Variants in MPPED1 observed in about 807,000 individuals in gnomAD.
MPPED1 encodes metallophosphoesterase domain-containing protein 1.
Under a neutral mutation model 36.2 loss-of-function variants are expected in MPPED1, and 16 were observed. The ratio of observed to expected loss-of-function variants is 0.44; its 90% CI spans 0.30 to 0.67. MPPED1 has a LOEUF of 0.67. Ranked by LOEUF, MPPED1 falls within the 30% of genes least tolerant of loss-of-function variation. The probability of loss-of-function intolerance (pLI) is 0.10; values close to 1 mark genes in which losing one functional copy is unlikely to be tolerated. For missense variants in MPPED1, 307 were observed against 453.4 expected, an observed-to-expected ratio of 0.68 and a Z score of 2.93; for synonymous variants, 199 against 191.3, an observed-to-expected ratio of 1.04 and a Z score of -0.33.
intron 3 of MPPED1, among the ~76,000 whole-genome samples, chr22:43,471,604 C>T (rs994141605): frequency 1.3e-5 from 2 of 152,230 alleles, no homozygotes; most frequent in Admixed American, 1.3e-4. Context: ...AAGTGGCCAT[C>T]TTTCCTGCTG....
chr22:43,463,851 CT>C (rs748584490), intron 3 of MPPED1, among the ~76,000 whole-genome samples: 1 of 117,672 alleles, frequency 8.5e-6, no homozygotes, highest in Admixed American at 9.0e-5. Flanking sequence ...TTCTTTCTTT[CT>C]TTCTTTCTTT....
rs1016680959 is a variant in MPPED1, at chr22:43,505,672, G to A, written c.*56G>A. 2.6e-5 allele frequency: 38 copies of A among 1,480,908 alleles called. No individual in the cohort carries two copies. Among genetic ancestry groups the A allele is most frequent in the South Asian group, 7.4e-5 (6 of 81,132 alleles). The allele number at this position is 1,480,908 out of a possible 1,614,324, so 91.7% of individuals were successfully genotyped here. A position where few individuals can be genotyped will look rare whatever the true frequency, so the allele number is the denominator to read the frequency against. ...CGTGTCAGCTCCACAGGCCTGGCCC[G>A]GCCACTGTTCCTTCCATGCTGAGTT... On this transcript the variant is annotated 3_prime_UTR_variant, in exon 7 of 7. Transcript: ENST00000443721.
At chr22:43,496,314 CGGAGA>C (rs1932354261) in intron 4 of MPPED1, among the ~76,000 whole-genome samples, 4 of 5,498 alleles carry the variant, frequency 7.3e-4, no homozygotes, top group Non-Finnish European at 7.8e-4. Context: ...GTAGTGGTGG[CGGAGA>C]TGGTGGTGAT....
At chr22:43,449,994 G>A (rs1930506775) in intron 3 of MPPED1, among the ~76,000 whole-genome samples, 2 of 152,230 alleles carry the variant, frequency 1.3e-5, no homozygotes, top group African/African-American at 4.8e-5. Flanking sequence ...GCCCAGCCGG[G>A]TGGCGGTGGT....
chr22:43,434,930 G>A, intron 2 of MPPED1, 104 bp from the exon 3 acceptor site: 1 of 1,275,686 alleles, frequency 7.8e-7, no homozygotes, highest in Non-Finnish European at 1.1e-6. Context: ...GATCTGAGCG[G>A]GATTGATGGG....
chr22:43,414,126 AG>A (rs1928999479), intron 1 of MPPED1, among the ~76,000 whole-genome samples: 1 of 152,182 alleles, frequency 6.6e-6, no homozygotes, highest in South Asian at 2.1e-4. Flanking sequence ...GTTTTACTTG[AG>A]CCCCAACTGT....
chr22:43,497,830 G>T (rs1240316710), intron 4 of MPPED1, among the ~76,000 whole-genome samples: 1 of 150,150 alleles, frequency 6.7e-6, no homozygotes, highest in Non-Finnish European at 1.5e-5. Flanking sequence ...CTTCCTGGGG[G>T]TGGGGGTGGG....
chr22:43,494,703 G>A lies in MPPED1; in HGVS notation c.633-3532G>A, dbSNP rs571219054. On this transcript the variant is annotated intron_variant, in intron 4 of 6. Coordinates refer to ENST00000443721, the MANE Select transcript of MPPED1 (RefSeq NM_001044370.2). ...ACACAATTTGATTCACAGTGGTGGTGGTGGTGGTGGTGGTGGTGGTGATGG... is the reference window on the plus strand; with the variant it reads ...ACACAATTTGATTCACAGTGGTGGTAGTGGTGGTGGTGGTGGTGGTGATGG... Among the ~76,000 whole-genome samples, 5 of 149,706 alleles carry A rather than the reference G, an allele frequency of 3.3e-5. No homozygotes were observed. The East Asian group carries it at 8.6e-4, about 26-fold the overall frequency.
intron 4 of MPPED1, among the ~76,000 whole-genome samples, chr22:43,497,720 T>G (rs1378636090): frequency 1.4e-5 from 2 of 148,064 alleles, no homozygotes; most frequent in African/African-American, 2.7e-5. Context: ...TGGCCAGAGC[T>G]TCCAGTATAA....
At chr22:43,489,948 C>A (rs767105034) in intron 4 of MPPED1, among the ~76,000 whole-genome samples, 3 of 152,240 alleles carry the variant, frequency 2.0e-5, no homozygotes, top group Non-Finnish European at 4.4e-5. Context: ...CTCCTCCCTC[C>A]TTTCCTCCCC....
In MPPED1 at chr22:43,500,307, GT is replaced by G. The variant is rs1159975230; in HGVS notation, c.748+1958del. 2.6e-3 allele frequency among the ~76,000 whole-genome samples: 367 copies of G among 141,912 alleles called. 2 individuals are homozygous for G. The highest frequency in any genetic ancestry group is 3.1e-3 in the Admixed American group (45 of 14,322). 93.1% of individuals were successfully genotyped at this position (141,912 alleles called of 152,430 possible). Reference sequence around the variant, plus strand: ...GGTGATGGGGGTGGTGGTGGTGATGGTGATGGAGGTGGTGATGGTGGTGGTG... The same window carrying G: ...GGTGATGGGGGTGGTGGTGGTGATGGGATGGAGGTGGTGATGGTGGTGGTG... On this transcript the variant is annotated intron_variant, in intron 5 of 6. Transcript: ENST00000443721.
chr22:43,442,464 G>T (rs949558206), intron 3 of MPPED1, among the ~76,000 whole-genome samples: 6 of 152,108 alleles, frequency 3.9e-5, no homozygotes, highest in African/African-American at 1.4e-4. Flanking sequence ...GGCATCCCCC[G>T]TAATAGATCA....
intron 3 of MPPED1, among the ~76,000 whole-genome samples, chr22:43,455,216 T>C (rs1464070539): frequency 6.7e-6 from 1 of 149,316 alleles, no homozygotes; most frequent in African/African-American, 2.5e-5. Context: ...TTCAAGCGAT[T>C]CTTCCTCCTC....
intron 4 of MPPED1, among the ~76,000 whole-genome samples, chr22:43,497,692 A>T (rs1932464266): frequency 6.6e-6 from 1 of 151,244 alleles, no homozygotes; most frequent in Non-Finnish European, 1.5e-5. Flanking sequence ...GGATGGGCTC[A>T]ACTCTACCTG....
At position 43,498,183 on chromosome 22, in the gene MPPED1, C is replaced by T. The variant is rs1021790248; in HGVS notation, c.633-52C>T. On this transcript the variant is annotated intron_variant, in intron 4 of 6. Transcript: ENST00000443721. ...GTGGGGAGCTCCGCATTCCCTCTGA[C>T]CACCCTGTACTTTCACCCGCCCTCC... 8.4e-6 allele frequency: 12 copies of T among 1,425,444 alleles called. No homozygotes were observed. The South Asian group carries it at 1.0e-4, about 12-fold the overall frequency. 88.3% of individuals were successfully genotyped at this position (1,425,444 alleles called of 1,614,324 possible).
intron 3 of MPPED1, among the ~76,000 whole-genome samples, chr22:43,445,885 CTT>C (rs1395810860): frequency 9.9e-6 from 1 of 101,070 alleles, no homozygotes. Flanking sequence ...TTTACATTTT[CTT>C]TTTTTTTTTT....
At position 43,491,642 on chromosome 22, in the gene MPPED1, G is replaced by A. The variant is rs1045072430; in HGVS notation, c.633-6593G>A. On this transcript the variant is annotated intron_variant, in intron 4 of 6. Coordinates refer to ENST00000443721, the MANE Select transcript of MPPED1 (RefSeq NM_001044370.2). ...AGGTGGTGGTGATGGTGATGGAGGT[G>A]GTGGTTATGGAGGTGGTGGTGATGG... Among the ~76,000 whole-genome samples, 1,416 of 149,934 alleles carry A rather than the reference G, an allele frequency of 9.4e-3. 18 individuals are homozygous for A. The highest frequency in any genetic ancestry group is 0.013 in the Non-Finnish European group (846 of 67,366).
chr22:43,469,247 G>T (rs532772766), intron 3 of MPPED1, among the ~76,000 whole-genome samples: 1 of 152,194 alleles, frequency 6.6e-6, no homozygotes, highest in African/African-American at 2.4e-5. Flanking sequence ...GCAGGAAAGG[G>T]CAAAGAGAAC....
intron 1 of MPPED1, among the ~76,000 whole-genome samples, chr22:43,424,470 G>A (rs1761019435): frequency 6.6e-6 from 1 of 151,980 alleles, no homozygotes; most frequent in South Asian, 2.1e-4. Flanking sequence ...GTGGAGGATG[G>A]GGGAGGGTTG....
Sources: allele counts gnomAD v4.1 joint callset (sites outside exome capture counted in the v4.1 genomes callset), GRCh38; gene constraint gnomAD v4.1.1; transcripts MANE v1.5; gene names NCBI Gene and HGNC (gene_info 2026-07-23, HGNC 2026-07-21).